AGBL4: variants seen among roughly 807,000 people sequenced by gnomAD.
The protein encoded by AGBL4 is cytosolic carboxypeptidase 6.
In AGBL4, 58 loss-of-function variants were observed where a neutral mutation model predicts 66.4. The ratio of observed to expected loss-of-function variants is 0.87; its 90% confidence interval spans 0.71 to 1.09. The LOEUF (loss-of-function observed/expected upper bound fraction) is 1.09. Among genes scored for constraint, AGBL4 ranks in the 50% least tolerant of loss-of-function variants. AGBL4 has a pLI of 0.00. For missense variants in AGBL4, 579 were observed against 631.0 expected (o/e 0.92, Z 0.88); for synonymous variants, 234 against 222.9 (o/e 1.05, Z -0.44).
intron 3 of AGBL4, among the ~76,000 whole-genome samples, chr1:49,588,688 A>G (rs184141079): frequency 1.2e-4 from 19 of 152,286 alleles, no homozygotes; most frequent in Non-Finnish European, 2.5e-4. Flanking sequence ...AAAATTCAAC[A>G]AGCATGGATT....
chr1:49,939,807 T>C (rs548762384), intron 1 of AGBL4, among the ~76,000 whole-genome samples: 8 of 152,278 alleles, frequency 5.3e-5, no homozygotes, highest in Admixed American at 6.5e-5. Flanking sequence ...ACTTCATGTC[T>C]AAAACACCAA....
At chr1:48,710,439 G>T (rs1292667529) in intron 6 of AGBL4, among the ~76,000 whole-genome samples, 1 of 152,216 alleles carries the variant, frequency 6.6e-6, no homozygotes, top group Non-Finnish European at 1.5e-5. Context: ...GAGCCAGAGC[G>T]TGGGGTGGTT....
chr1:48,881,001 T>C (rs1187374799), intron 5 of AGBL4, among the ~76,000 whole-genome samples: 1 of 152,204 alleles, frequency 6.6e-6, no homozygotes, highest in East Asian at 1.9e-4. Context: ...ACATTTAGAC[T>C]GTTATTATTT....
intron 9 of AGBL4, among the ~76,000 whole-genome samples, chr1:48,624,697 T>C (rs1371424092): frequency 6.6e-6 from 1 of 152,178 alleles, no homozygotes; most frequent in African/African-American, 2.4e-5. Flanking sequence ...CTGGAGGGAT[T>C]TGCAGAAGAA....
chr1:49,553,579 T>C (rs1299809137), intron 3 of AGBL4, among the ~76,000 whole-genome samples: 2 of 152,162 alleles, frequency 1.3e-5, no homozygotes, highest in South Asian at 2.1e-4. Flanking sequence ...TCACTGATAG[T>C]TGGAGTAGAT....
chr1:48,998,018 C>A (rs991182783), intron 5 of AGBL4, among the ~76,000 whole-genome samples: 1 of 152,124 alleles, frequency 6.6e-6, no homozygotes, highest in African/African-American at 2.4e-5. Flanking sequence ...ATTCCAAAAA[C>A]AGAAAGAACC....
At chr1:49,546,968 G>A (rs2148831451) in intron 3 of AGBL4, among the ~76,000 whole-genome samples, 1 of 152,274 alleles carries the variant, frequency 6.6e-6, no homozygotes, top group African/African-American at 2.4e-5. Context: ...TGCTTACTTT[G>A]CTGACTGTTC....
intron 4 of AGBL4, among the ~76,000 whole-genome samples, chr1:49,232,649 A>G (rs143708894): frequency 6.6e-6 from 1 of 151,544 alleles, no homozygotes; most frequent in Non-Finnish European, 1.5e-5. Context: ...CAGTGAGCCG[A>G]GATGGTGCCA....
At chr1:49,353,029 T>C (rs148772355) in intron 3 of AGBL4, among the ~76,000 whole-genome samples, 3 of 152,252 alleles carry the variant, frequency 2.0e-5, no homozygotes, top group African/African-American at 7.2e-5. Context: ...GCATTCAAAC[T>C]AGTTTAAGTA....
intron 2 of AGBL4, among the ~76,000 whole-genome samples, chr1:49,751,330 A>G (rs1232973168): frequency 6.6e-6 from 1 of 152,096 alleles, no homozygotes; most frequent in African/African-American, 2.4e-5. Flanking sequence ...TTCTGCATCT[A>G]TTGATATAAT....
At chr1:48,798,292 T>C (rs1003068038) in intron 6 of AGBL4, among the ~76,000 whole-genome samples, 1 of 152,220 alleles carries the variant, frequency 6.6e-6, no homozygotes, top group African/African-American at 2.4e-5. Context: ...GAATTGTCTA[T>C]TCATGTCCTT....
chr1:49,344,188 A>G (rs1421024445), intron 3 of AGBL4, among the ~76,000 whole-genome samples: 3 of 152,202 alleles, frequency 2.0e-5, no homozygotes, highest in Non-Finnish European at 4.4e-5. Context: ...TTTTCCACCA[A>G]AAGTAAGTTT....
intron 3 of AGBL4, among the ~76,000 whole-genome samples, chr1:49,601,263 C>T (rs570331543): frequency 6.6e-6 from 1 of 152,184 alleles, no homozygotes; most frequent in South Asian, 2.1e-4. Flanking sequence ...TTCAGGAACA[C>T]CAATCAAATG....
At chr1:48,817,767 C>T (rs1646215576) in intron 6 of AGBL4, 5 of 379,852 alleles carry the variant, frequency 1.3e-5, no homozygotes, top group Non-Finnish European at 2.4e-5. Flanking sequence ...CCTGGTGCTG[C>T]AGCTTTGGCC....
At chr1:49,156,109 A>T (rs1442800785) in intron 4 of AGBL4, among the ~76,000 whole-genome samples, 2 of 152,178 alleles carry the variant, frequency 1.3e-5, no homozygotes, top group African/African-American at 4.8e-5. Flanking sequence ...TCTAATATCA[A>T]TCTTTTGACT....
chr1:49,897,863 T>C (rs1394270959), intron 1 of AGBL4, among the ~76,000 whole-genome samples: 1 of 151,952 alleles, frequency 6.6e-6, no homozygotes, highest in Non-Finnish European at 1.5e-5. Context: ...AGAACATACA[T>C]TAGGGAAAGG....
chr1:49,225,267 C>A (rs547737968), intron 4 of AGBL4, among the ~76,000 whole-genome samples: 1 of 152,216 alleles, frequency 6.6e-6, no homozygotes, highest in Non-Finnish European at 1.5e-5. Flanking sequence ...AAATCAGAGA[C>A]CTTATGTATA....
At chr1:49,226,190 T>G (rs1231129932) in intron 4 of AGBL4, among the ~76,000 whole-genome samples, 5 of 152,184 alleles carry the variant, frequency 3.3e-5, no homozygotes, top group Non-Finnish European at 4.4e-5. Flanking sequence ...ACATTTTCAA[T>G]TCATTCACAT....
chr1:48,950,786 C>T (rs943471603), intron 5 of AGBL4, among the ~76,000 whole-genome samples: 3 of 152,156 alleles, frequency 2.0e-5, no homozygotes, highest in African/African-American at 7.2e-5. Context: ...TAGACACAAT[C>T]TTATAATCTG....
Sources: gnomAD v4.1 joint callset for allele counts (sites outside exome capture counted in the v4.1 genomes callset) on GRCh38, gnomAD v4.1.1 for gene constraint, MANE v1.5 for transcripts, NCBI Gene and HGNC (gene_info 2026-07-23, HGNC 2026-07-21) for gene names.